MECOM: variants seen among roughly 807,000 people sequenced by gnomAD.
MECOM encodes histone-lysine N-methyltransferase MECOM.
MECOM carries 13 observed loss-of-function variants against 116.3 expected under a neutral mutation model. That is an observed-to-expected ratio of 0.11 (90% CI 0.07 to 0.18). The LOEUF (loss-of-function observed/expected upper bound fraction) is 0.18. Ranked by LOEUF, MECOM falls within the 10% of genes least tolerant of loss-of-function variation. The pLI is 1.00. For synonymous variants in MECOM, 528 were observed against 535.2 expected (o/e 0.99, Z 0.19); for missense variants, 1,299 against 1,509.0 (o/e 0.86, Z 2.31).
intron 1 of MECOM, among the ~76,000 whole-genome samples, chr3:169,535,658 T>G (rs900210774): frequency 3.3e-5 from 5 of 152,208 alleles, no homozygotes; most frequent in Non-Finnish European, 7.3e-5. Flanking sequence ...TATGTTAACT[T>G]CTTCCTTTAT....
intron 1 of MECOM, among the ~76,000 whole-genome samples, chr3:169,431,394 T>G (rs554664747): frequency 3.3e-5 from 5 of 152,314 alleles, no homozygotes; most frequent in Non-Finnish European, 7.3e-5. Context: ...TTTTCTAAAG[T>G]TGGCACTGCC....
intron 1 of MECOM, among the ~76,000 whole-genome samples, chr3:169,481,199 G>C (rs1194243643): frequency 6.6e-6 from 1 of 152,150 alleles, no homozygotes; most frequent in Non-Finnish European, 1.5e-5. Context: ...ATGGACATTA[G>C]CCAATTCATG....
At chr3:169,473,255 T>C (rs1020400190) in intron 1 of MECOM, among the ~76,000 whole-genome samples, 2 of 152,202 alleles carry the variant, frequency 1.3e-5, no homozygotes, top group Non-Finnish European at 2.9e-5. Flanking sequence ...GATCACCCTA[T>C]CTACAAACTG....
chr3:169,654,841 C>CACACACACACAT (rs1289437108), intron 1 of MECOM, among the ~76,000 whole-genome samples: 2 of 148,852 alleles, frequency 1.3e-5, no homozygotes, highest in Admixed American at 6.8e-5. Context: ...CACACACACA[C>CACACACACACAT]ATATTAACTT....
At chr3:169,411,282 G>A (rs1053049527) in intron 1 of MECOM, among the ~76,000 whole-genome samples, 1 of 152,036 alleles carries the variant, frequency 6.6e-6, no homozygotes, top group African/African-American at 2.4e-5. Context: ...AGAAAAAGAA[G>A]GTCATAAAAC....
intron 1 of MECOM, among the ~76,000 whole-genome samples, chr3:169,583,160 G>A (rs1765323517): frequency 6.6e-6 from 1 of 152,190 alleles, no homozygotes; most frequent in Admixed American, 6.5e-5. Flanking sequence ...GTTTTACAAA[G>A]TACTAGCAAA....
chr3:169,361,621 A>G (rs973881877), intron 2 of MECOM, among the ~76,000 whole-genome samples: 1 of 151,890 alleles, frequency 6.6e-6, no homozygotes, highest in South Asian at 2.1e-4. Context: ...TATTGTTAAT[A>G]CCATTTAAAA....
intron 2 of MECOM, among the ~76,000 whole-genome samples, chr3:169,306,223 T>C (rs372884175): frequency 2.0e-5 from 3 of 152,302 alleles, no homozygotes; most frequent in South Asian, 4.1e-4. Context: ...ATAAGTTCAA[T>C]AGATTTTTAT....
At chr3:169,499,914 T>C (rs753665829) in intron 1 of MECOM, among the ~76,000 whole-genome samples, 2 of 152,002 alleles carry the variant, frequency 1.3e-5, no homozygotes, top group Non-Finnish European at 2.9e-5. Flanking sequence ...ATACACAGCT[T>C]GGTAACATTT....
At chr3:169,194,117 C>A (rs752170109) in intron 2 of MECOM, among the ~76,000 whole-genome samples, 1 of 151,926 alleles carries the variant, frequency 6.6e-6, no homozygotes, top group Non-Finnish European at 1.5e-5. Context: ...AGTTACTGTA[C>A]CTTTCAAGAT....
chr3:169,106,273 G>T (rs1467221617), intron 10 of MECOM, among the ~76,000 whole-genome samples: 1 of 152,082 alleles, frequency 6.6e-6, no homozygotes, highest in African/African-American at 2.4e-5. Flanking sequence ...ACATTCAGCA[G>T]TCATGATTAT....
intron 2 of MECOM, among the ~76,000 whole-genome samples, chr3:169,311,634 A>T (rs914462776): frequency 2.6e-5 from 4 of 152,092 alleles, no homozygotes; most frequent in African/African-American, 9.7e-5. Context: ...GGTCTTTTTG[A>T]TCAAGTCAAA....
intron 2 of MECOM, among the ~76,000 whole-genome samples, chr3:169,286,957 A>G (rs930163743): frequency 1.3e-5 from 2 of 152,198 alleles, no homozygotes; most frequent in Admixed American, 6.5e-5. Context: ...AAGAGAAACT[A>G]GTGCATTGTT....
chr3:169,308,651 C>G (rs984839015), intron 2 of MECOM, among the ~76,000 whole-genome samples: 1 of 152,126 alleles, frequency 6.6e-6, no homozygotes, highest in African/African-American at 2.4e-5. Flanking sequence ...GAATTTTGTT[C>G]ATTCTCTTGC....
At chr3:169,267,666 C>T (rs1267076012) in intron 2 of MECOM, among the ~76,000 whole-genome samples, 1 of 152,088 alleles carries the variant, frequency 6.6e-6, no homozygotes, top group East Asian at 1.9e-4. Flanking sequence ...TGGAAAAGGG[C>T]CTCCCTTCTG....
intron 1 of MECOM, among the ~76,000 whole-genome samples, chr3:169,638,437 A>G (rs1342463599): frequency 6.6e-6 from 1 of 152,100 alleles, no homozygotes; most frequent in Non-Finnish European, 1.5e-5. Context: ...ACCATGCACC[A>G]TGACCCTGAG....
intron 2 of MECOM, among the ~76,000 whole-genome samples, chr3:169,271,045 G>A (rs551918560): frequency 4.6e-5 from 7 of 152,256 alleles, no homozygotes; most frequent in Middle Eastern, 3.4e-3. Flanking sequence ...TTCACTCCAC[G>A]TAGACAGTAA....
intron 1 of MECOM, among the ~76,000 whole-genome samples, chr3:169,420,873 C>T (rs6768730): frequency 0.12 from 17,836 of 152,084 alleles, 1,388 homozygotes; most frequent in East Asian, 0.35. Flanking sequence ...ATAAATGAAC[C>T]TTGAAGATAA....
At chr3:169,623,566 G>A (rs1374596689) in intron 1 of MECOM, among the ~76,000 whole-genome samples, 2 of 152,196 alleles carry the variant, frequency 1.3e-5, no homozygotes, top group East Asian at 3.9e-4. Context: ...GTACCATCCT[G>A]AACATGCCCA....
Sources: allele counts gnomAD v4.1 joint callset (sites outside exome capture counted in the v4.1 genomes callset), GRCh38; gene constraint gnomAD v4.1.1; transcripts MANE v1.5; gene names NCBI Gene and HGNC (gene_info 2026-07-23, HGNC 2026-07-21).